The following ACYP2 variants were observed in gnomAD, a reference collection of about 807,000 sequenced individuals.
The protein encoded by ACYP2 is acylphosphatase 2.
In ACYP2, 12 loss-of-function variants were observed where a neutral mutation model predicts 11.2. The ratio of observed to expected loss-of-function variants is 1.08; its 90% CI spans 0.69 to 1.74. ACYP2 has a LOEUF of 1.74. Among genes scored for constraint, ACYP2 ranks in the 40% most tolerant of loss-of-function variants. The probability of loss-of-function intolerance (pLI) is 0.00; values close to 1 mark genes in which losing one functional copy is unlikely to be tolerated. For missense variants in ACYP2, 134 were observed against 101.9 expected (o/e 1.31, Z -1.35); for synonymous variants, 43 against 32.2 (o/e 1.33, Z -1.13).
rs1012741739 is a variant in ACYP2 at position 54,288,953 on chromosome 2, T to G, written c.405-15735T>G. On this transcript the variant is annotated intron_variant, in intron 6 of 6. Coordinates refer to ENST00000607452, the MANE Select transcript of ACYP2 (RefSeq NM_001320586.2). ...GCTTTAGTTTCATGGTTGTAACTTC[T>G]GCGACCCCAAGCTTTTAATTCTATT... 2.2e-4 allele frequency among the ~76,000 whole-genome samples: 33 copies of G among 152,036 alleles called. 1 individual carries two copies. Among genetic ancestry groups the G allele is most frequent in the African/African-American group, 7.3e-4 (30 of 41,286 alleles).
chr2:54,297,023 T>C (rs1003250112), intron 6 of ACYP2, among the ~76,000 whole-genome samples: 3 of 152,268 alleles, frequency 2.0e-5, no homozygotes, highest in African/African-American at 7.2e-5. Flanking sequence ...TCAATATTTA[T>C]TGAGTAAGCT....
At chr2:53,975,223 C>CA (rs11437709) in intron 2 of ACYP2, 104,911 of 323,888 alleles carry the variant, frequency 0.32, 5,093 homozygotes, top group South Asian at 0.45. Context: ...GACTCTGTCT[C>CA]AAAAAAAAAA....
intron 4 of ACYP2, among the ~76,000 whole-genome samples, chr2:54,070,652 C>T (rs1676987558): frequency 6.6e-6 from 1 of 151,926 alleles, no homozygotes; most frequent in African/African-American, 2.4e-5. Flanking sequence ...ACTCTAGTTA[C>T]TTTGTAAGCT....
At position 54,114,379 on chromosome 2, in the gene ACYP2, TCAAA is replaced by T. The variant is rs1302540001; in HGVS notation, c.278-21073_278-21070del. The stretch of plus-strand genomic sequence containing the variant: ...ATGTTGCTGAGAATAATCAAGACAA[TCAAA>T]AAAAAAAAAAAAAAAAAAGGTCGGG... On this transcript the variant is annotated intron_variant, in intron 4 of 6. Coordinates refer to ENST00000607452, the MANE Select transcript of ACYP2 (RefSeq NM_001320586.2). 1.2e-3 allele frequency among the ~76,000 whole-genome samples: 30 copies of T among 24,390 alleles called. No individual in the cohort carries two copies. The East Asian group carries it at 0.058, about 47-fold the overall frequency. 16.0% of individuals were successfully genotyped at this position (24,390 alleles called of 152,430 possible).
At position 54,304,915 on chromosome 2, in the gene ACYP2, G is replaced by T; in HGVS notation, c.*113G>T. The stretch of plus-strand genomic sequence containing the variant: ...TGAAAAGGAACTTTCTGTTCTGAAA[G>T]CTAAGCGACTGTACGTGCTACTAAA... On this transcript the variant is annotated 3_prime_UTR_variant, in exon 7 of 7. Transcript: ENST00000607452. The T allele has an allele frequency of 3.9e-6, 2 of 509,120 alleles. No individual in the cohort carries two copies. Among genetic ancestry groups the T allele is most frequent in the Non-Finnish European group, 6.6e-6 (2 of 302,676 alleles). 31.5% of individuals were successfully genotyped at this position (509,120 alleles called of 1,614,324 possible).
At chr2:54,197,762 G>C (rs983716749) in intron 6 of ACYP2, among the ~76,000 whole-genome samples, 1 of 152,144 alleles carries the variant, frequency 6.6e-6, no homozygotes, top group Admixed American at 6.6e-5. Flanking sequence ...GAGAGGAAGG[G>C]GATGTGTGGT....
At chr2:54,171,086 G>A (rs772279540) in intron 6 of ACYP2, among the ~76,000 whole-genome samples, 2 of 152,044 alleles carry the variant, frequency 1.3e-5, no homozygotes, top group East Asian at 1.9e-4. Flanking sequence ...ATCCTGGGCC[G>A]GGATCTCTGA....
intron 6 of ACYP2, among the ~76,000 whole-genome samples, chr2:54,227,445 C>A (rs1686056350): frequency 6.6e-6 from 1 of 152,042 alleles, no homozygotes; most frequent in Admixed American, 6.6e-5. Flanking sequence ...TCGAGACCAT[C>A]CTGACCAACA....
At chr2:54,052,334 C>A (rs1453678787) in intron 3 of ACYP2, among the ~76,000 whole-genome samples, 1 of 151,852 alleles carries the variant, frequency 6.6e-6, no homozygotes, top group East Asian at 1.9e-4. Flanking sequence ...TTTAGATAAC[C>A]CTGTCCTGGT....
intron 6 of ACYP2, among the ~76,000 whole-genome samples, chr2:54,263,695 C>G (rs940673306): frequency 6.6e-6 from 1 of 152,158 alleles, no homozygotes; most frequent in Non-Finnish European, 1.5e-5. Context: ...CTCCTTCATT[C>G]TTTTCAAATT....
chr2:54,201,137 G>A (rs1184250680), intron 6 of ACYP2, among the ~76,000 whole-genome samples: 1 of 147,318 alleles, frequency 6.8e-6, no homozygotes, highest in Admixed American at 6.8e-5. Flanking sequence ...ACAGAGTCTC[G>A]CTCTGTCGCC....
intron 4 of ACYP2, among the ~76,000 whole-genome samples, chr2:54,126,597 C>CAA (rs34045950): frequency 0.01 from 1,093 of 109,144 alleles, 26 homozygotes; most frequent in African/African-American, 0.023. Flanking sequence ...GTCAAATTTG[C>CAA]AAAAAAAAAA....
intron 6 of ACYP2, among the ~76,000 whole-genome samples, chr2:54,302,210 C>T (rs781293307): frequency 2.0e-5 from 3 of 152,204 alleles, no homozygotes; most frequent in Non-Finnish European, 4.4e-5. Context: ...TCTCCCTTTT[C>T]ATTCTCTTGA....
At chr2:54,167,119 C>T (rs1305247470) in intron 6 of ACYP2, 1 of 151,928 alleles carries the variant, frequency 6.6e-6, no homozygotes, top group East Asian at 1.9e-4. Context: ...GACCTTTTGC[C>T]TCCAGCTCTT....
At chr2:54,234,149 T>G (rs1167418713) in intron 6 of ACYP2, among the ~76,000 whole-genome samples, 1 of 152,120 alleles carries the variant, frequency 6.6e-6, no homozygotes, top group Non-Finnish European at 1.5e-5. Context: ...ATAAGAGGAG[T>G]ATTGTCATGG....
At chr2:53,998,073 C>T (rs1454526080) in intron 2 of ACYP2, among the ~76,000 whole-genome samples, 2 of 152,156 alleles carry the variant, frequency 1.3e-5, no homozygotes, top group East Asian at 1.9e-4. Context: ...TCTCTTTTAT[C>T]TGAGTTTCAA....
At chr2:54,192,892 T>C (rs1019416399) in intron 6 of ACYP2, among the ~76,000 whole-genome samples, 4 of 152,168 alleles carry the variant, frequency 2.6e-5, no homozygotes, top group South Asian at 4.1e-4. Flanking sequence ...GAGAACTCAC[T>C]ATCTGGAGAA....
intron 6 of ACYP2, among the ~76,000 whole-genome samples, chr2:54,225,003 A>G (rs574975487): frequency 1.8e-4 from 27 of 152,362 alleles, no homozygotes; most frequent in Admixed American, 5.9e-4. Context: ...TAATCTTCAA[A>G]TCCTGAGCAG....
chr2:54,095,453 AG>A (rs1678480773), intron 4 of ACYP2, among the ~76,000 whole-genome samples: 1 of 151,368 alleles, frequency 6.6e-6, no homozygotes, highest in East Asian at 2.0e-4. Flanking sequence ...ACTTCCCAGT[AG>A]GGGCGGCCGG....
Sources: gnomAD v4.1 joint callset for allele counts (sites outside exome capture counted in the v4.1 genomes callset) on GRCh38, gnomAD v4.1.1 for gene constraint, MANE v1.5 for transcripts, NCBI Gene and HGNC (gene_info 2026-07-23, HGNC 2026-07-21) for gene names.